Variants in TET3 observed in about 807,000 individuals in gnomAD.
TET3 encodes methylcytosine dioxygenase TET3.
In TET3, 19 loss-of-function variants were observed where a neutral mutation model predicts 141.4. The ratio of observed to expected loss-of-function variants is 0.13; its 90% CI spans 0.09 to 0.20. The LOEUF (loss-of-function observed/expected upper bound fraction) is 0.20. Among genes scored for constraint, TET3 ranks in the 10% least tolerant of loss-of-function variants. The probability of loss-of-function intolerance (pLI) is 1.00; values close to 1 mark genes in which losing one functional copy is unlikely to be tolerated. For missense variants in TET3, 1,874 were observed against 2,356.9 expected (o/e 0.80, Z 4.24); for synonymous variants, 1,043 against 980.9 (o/e 1.06, Z -1.18).
Position 74,099,350 on chromosome 2 carries a change from C to T in TET3, c.3342C>T (p.Pro1114=), listed in dbSNP as rs368611649. Reference sequence around the variant, plus strand: ...AGGATGAGCAGCTGCATGTTCTCCCCCTGTACAAGATGGCCAACACGGATG... The same window carrying T: ...AGGATGAGCAGCTGCATGTTCTCCCTCTGTACAAGATGGCCAACACGGATG... The part of the protein sequence containing the change: ...IPEDEQLHVL[P]LYKMANTDEF... The change falls in exon 11 of 12, where the codon CCC becomes CCT. Residue 1114 remains proline, a synonymous_variant. Transcript: ENST00000409262. The T allele has an allele frequency of 1.9e-6, 3 of 1,613,544 alleles. No individual in the cohort carries two copies. The highest frequency in any genetic ancestry group is 2.2e-5 in the East Asian group (1 of 44,860).
At chr2:74,049,920 T>C (rs1451837437) in intron 4 of TET3, among the ~76,000 whole-genome samples, 1 of 152,122 alleles carries the variant, frequency 6.6e-6, no homozygotes, top group Non-Finnish European at 1.5e-5. Flanking sequence ...CTGTCCATTC[T>C]TAGATATGAC....
At chr2:74,022,996 G>T (rs1027147550) in intron 3 of TET3, among the ~76,000 whole-genome samples, 1 of 152,010 alleles carries the variant, frequency 6.6e-6, no homozygotes, top group Non-Finnish European at 1.5e-5. Flanking sequence ...GGCTGGTCTT[G>T]AACTCCTGAC....
At chr2:74,013,252 C>T (rs977365047) in intron 3 of TET3, among the ~76,000 whole-genome samples, 3 of 151,884 alleles carry the variant, frequency 2.0e-5, no homozygotes, top group African/African-American at 7.2e-5. Context: ...CCTCGGCCTC[C>T]CAAAGTGCTG....
rs1291841172 is a variant in TET3 at position 74,108,073 on chromosome 2, T to TATA, written c.*5900_*5902dup. On this transcript the variant is annotated 3_prime_UTR_variant, in exon 12 of 12. Coordinates refer to ENST00000409262, the MANE Select transcript of TET3 (RefSeq NM_001287491.2). ...GTATCCTTTTTGATTTGTATTTTAT[T>TATA]ATAATTTACACAAACAACTGGGTTT... The TATA allele has an allele frequency of 6.5e-6, 1 of 153,808 alleles. No individual in the cohort carries two copies. The highest frequency in any genetic ancestry group is 1.5e-5 in the Non-Finnish European group (1 of 68,050). The allele number at this position is 153,808 out of a possible 1,614,324, so 9.5% of individuals were successfully genotyped here.
the TET3 span, among the ~76,000 whole-genome samples, chr2:74,125,542 A>C: frequency 1.3e-5 from 2 of 152,216 alleles, no homozygotes; most frequent in African/African-American, 4.8e-5. Context: ...GAAATTCCAT[A>C]AACATTTCTT....
At position 74,099,146 on chromosome 2, in the gene TET3, G is replaced by A; in HGVS notation, c.3268-130G>A. ...TCAATGTGCTTTCCACAAACTCTTG[G>A]AAGTAGTAGTGGCTGGTATTGGGAT... On this transcript the variant is annotated intron_variant, in intron 10 of 11. Transcript: ENST00000409262. The A allele has an allele frequency of 4.9e-6, 4 of 809,014 alleles. No homozygotes were observed. In the South Asian group the frequency reaches 7.2e-5, roughly 15 times the overall value. 50.1% of individuals were successfully genotyped at this position (809,014 alleles called of 1,614,324 possible).
chr2:74,118,404 A>G, the TET3 span, among the ~76,000 whole-genome samples: 2 of 152,238 alleles, frequency 1.3e-5, no homozygotes, highest in African/African-American at 4.8e-5. Flanking sequence ...TAAAAAGACA[A>G]TTGAAACTTA....
chr2:74,087,810 C>T lies in TET3; in HGVS notation c.2680-20C>T, dbSNP rs1433266311. On this transcript the variant is annotated intron_variant, in intron 6 of 11. Coordinates refer to ENST00000409262, the MANE Select transcript of TET3 (RefSeq NM_001287491.2). The surrounding 1 kb of genome is among the most constrained non-coding windows in gnomAD (Gnocchi z 4.3). The stretch of plus-strand genomic sequence containing the variant: ...GCACGGGTACCTGGCTCCTGCCCCT[C>T]ACACCCTGCGTCCCTGCAGGTGATC... 3.3e-6 allele frequency: 5 copies of T among 1,537,208 alleles called. No individual in the cohort carries two copies. The highest frequency in any genetic ancestry group is 2.0e-5 in the Admixed American group (1 of 50,426).
At chr2:74,041,539 G>A (rs968063430) in intron 3 of TET3, among the ~76,000 whole-genome samples, 6 of 152,106 alleles carry the variant, frequency 3.9e-5, no homozygotes, top group African/African-American at 9.7e-5. Context: ...AGTAGACCCC[G>A]AAATCAACTT....
chr2:74,014,476 C>T (rs563698930), intron 3 of TET3, among the ~76,000 whole-genome samples: 22 of 152,220 alleles, frequency 1.4e-4, no homozygotes, highest in Non-Finnish European at 1.6e-4. Flanking sequence ...CTTGGTGACT[C>T]CCTTGGGCTC....
chr2:74,010,832 T>A (rs1685390645), intron 3 of TET3, among the ~76,000 whole-genome samples: 1 of 152,258 alleles, frequency 6.6e-6, no homozygotes, highest in Admixed American at 6.5e-5. Flanking sequence ...CTGGATTCAG[T>A]GTTCTGTTCC....
chr2:74,003,850 TG>T (rs1685005580), intron 3 of TET3, among the ~76,000 whole-genome samples: 1 of 38,846 alleles, frequency 2.6e-5, no homozygotes, highest in East Asian at 6.1e-4. Context: ...TGTGGTTGTC[TG>T]GGGGGCGGGG....
intron 2 of TET3, among the ~76,000 whole-genome samples, chr2:73,989,002 T>TG (rs1684193940): frequency 6.7e-6 from 1 of 148,628 alleles, no homozygotes. Flanking sequence ...TTTTTTTGTT[T>TG]TTTTTTTTTT....
intron 3 of TET3, among the ~76,000 whole-genome samples, chr2:74,013,097 G>A (rs1685548706): frequency 6.6e-6 from 1 of 151,472 alleles, no homozygotes; most frequent in Admixed American, 6.6e-5. Context: ...CTGGTTCAAG[G>A]GATTCTCCCA....
intron 3 of TET3, among the ~76,000 whole-genome samples, chr2:74,032,451 CTGTGTGTGTG>C (rs61217149): frequency 0.12 from 8,682 of 71,842 alleles, 827 homozygotes; most frequent in Middle Eastern, 0.16. Context: ...GGGTGTGTCT[CTGTGTGTGTG>C]TGTGTGTGTG....
At chr2:74,067,267 T>C (rs1688955613) in intron 4 of TET3, among the ~76,000 whole-genome samples, 1 of 152,258 alleles carries the variant, frequency 6.6e-6, no homozygotes, top group African/African-American at 2.4e-5. Flanking sequence ...ACTGGTACCT[T>C]GCATCTCACC....
chr2:73,990,647 A>G (rs1483608649), intron 2 of TET3, among the ~76,000 whole-genome samples: 2 of 152,240 alleles, frequency 1.3e-5, no homozygotes, highest in Non-Finnish European at 2.9e-5. Context: ...GGTGAAAATG[A>G]GAGAAATGGA....
chr2:73,996,174 C>T (rs936986810), intron 2 of TET3, among the ~76,000 whole-genome samples: 32 of 152,126 alleles, frequency 2.1e-4, no homozygotes, highest in African/African-American at 7.0e-4. Context: ...GGTGACTGGG[C>T]GGGCCGGAAG....
chr2:74,106,826 C>T lies in TET3; in HGVS notation c.*4650C>T, dbSNP rs566621989. 19 of 152,706 alleles carry T rather than the reference C, an allele frequency of 1.2e-4. No homozygotes were observed. The highest frequency in any genetic ancestry group is 3.1e-4 in the African/African-American group (13 of 41,514). 9.5% of individuals were successfully genotyped at this position (152,706 alleles called of 1,614,324 possible). Reference sequence around the variant, plus strand: ...GAGGGTCTGATACCTGCAGGTTGTCCGTCTGATGACATACTTGACCTTGAA... The same window carrying T: ...GAGGGTCTGATACCTGCAGGTTGTCTGTCTGATGACATACTTGACCTTGAA... On this transcript the variant is annotated 3_prime_UTR_variant, in exon 12 of 12. Coordinates refer to ENST00000409262, the MANE Select transcript of TET3 (RefSeq NM_001287491.2).
Sources: gnomAD v4.1 joint callset for allele counts (sites outside exome capture counted in the v4.1 genomes callset) on GRCh38, gnomAD v4.1.1 for gene constraint, Gnocchi (gnomAD v3.1) non-coding constraint, MANE v1.5 for transcripts, NCBI Gene and HGNC (gene_info 2026-07-23, HGNC 2026-07-21) for gene names.